Variants in DEF6 observed in about 807,000 individuals in gnomAD.
DEF6 encodes differentially expressed in FDCP 6 homolog.
DEF6 carries 32 observed loss-of-function variants against 80.5 expected under a neutral mutation model. The observed-to-expected ratio is 0.40, with a 90% CI of 0.30 to 0.53. The LOEUF (loss-of-function observed/expected upper bound fraction) is 0.53, where lower values mean the gene tolerates loss of function less well. Ranked by LOEUF, DEF6 falls within the 20% of genes least tolerant of loss-of-function variation. DEF6 has a pLI of 0.57. For synonymous variants in DEF6, 300 were observed against 337.9 expected, an observed-to-expected ratio of 0.89 and a Z score of 1.23; for missense variants, 575 against 818.7, an observed-to-expected ratio of 0.70 and a Z score of 3.63.
At chr6:35,308,904 C>T (rs894675354) in intron 1 of DEF6, among the ~76,000 whole-genome samples, 1 of 152,022 alleles carries the variant, frequency 6.6e-6, no homozygotes, top group Non-Finnish European at 1.5e-5. Context: ...TTTATTTTCA[C>T]CAGATTTCAG....
chr6:35,318,523 C>A lies in DEF6; in HGVS notation c.1215+52C>A. On this transcript the variant is annotated intron_variant, in intron 7 of 10. Coordinates refer to ENST00000316637, the MANE Select transcript of DEF6 (RefSeq NM_022047.4). This position sits in a 1 kb window ranked among gnomAD's most constrained non-coding sequence, Gnocchi z 5.1. Reference sequence around the variant, plus strand: ...CGGGACCGGTGGGCTGGGAGGCTGGCCAGGGGCGGAGCGCCGGGGGCGGGG... The same window carrying A: ...CGGGACCGGTGGGCTGGGAGGCTGGACAGGGGCGGAGCGCCGGGGGCGGGG... 1 of 1,350,882 alleles carries A rather than the reference C, an allele frequency of 7.4e-7. No homozygotes were observed. Among genetic ancestry groups the A allele is most frequent in the Non-Finnish European group, 9.4e-7 (1 of 1,058,560 alleles). 83.7% of individuals were successfully genotyped at this position (1,350,882 alleles called of 1,614,324 possible).
chr6:35,306,536 T>A (rs926739743), intron 1 of DEF6, among the ~76,000 whole-genome samples: 1 of 151,890 alleles, frequency 6.6e-6, no homozygotes, highest in African/African-American at 2.4e-5. Flanking sequence ...GATGAAAGTT[T>A]CTCCCCTCAC....
intron 5 of DEF6, among the ~76,000 whole-genome samples, chr6:35,316,651 A>G (rs1440226256): frequency 3.3e-5 from 5 of 152,216 alleles, no homozygotes; most frequent in African/African-American, 9.7e-5. Context: ...GGGTCTATTG[A>G]AATGATCATA....
chr6:35,307,136 G>A (rs1791402709), intron 1 of DEF6, among the ~76,000 whole-genome samples: 1 of 152,174 alleles, frequency 6.6e-6, no homozygotes, highest in South Asian at 2.1e-4. Flanking sequence ...AGTGGCTCAC[G>A]CCCTGTAATC....
Position 35,318,453 on chromosome 6 carries a change from A to G in DEF6, c.1197A>G (p.Gln399=). ...AGCTGCAGCAGGCGCTCGAGGGCCAACTGCGCGAGGCGGAGCAGGTGGGGT... is the reference window on the plus strand; with the variant it reads ...AGCTGCAGCAGGCGCTCGAGGGCCAGCTGCGCGAGGCGGAGCAGGTGGGGT... The part of the protein sequence containing the change: ...HRELQQALEG[Q]LREAEQARAS... The change falls in exon 7 of 11, where the codon CAA becomes CAG. Residue 399 remains glutamine (Q), a synonymous_variant. Transcript: ENST00000316637. This position sits in a 1 kb window ranked among gnomAD's most constrained non-coding sequence, Gnocchi z 5.1. 7 of 1,468,460 alleles carry G rather than the reference A, an allele frequency of 4.8e-6. No homozygotes were observed. Among genetic ancestry groups the G allele is most frequent in the Middle Eastern group, 2.5e-4 (1 of 4,078 alleles). 91.0% of individuals were successfully genotyped at this position (1,468,460 alleles called of 1,614,324 possible).
Position 35,312,560 on chromosome 6 carries a change from G to A in DEF6, c.660+22G>A. On this transcript the variant is annotated intron_variant, in intron 4 of 10. Transcript: ENST00000316637. The surrounding 1 kb of genome is among the most constrained non-coding windows in gnomAD (Gnocchi z 6.6). ...GCAGGTCAGGCAAGCTGGGAACTAG[G>A]GGAAGCACACAAGGTGCAGGGCGAA... The A allele has an allele frequency of 1.2e-6, 2 of 1,614,038 alleles. No individual in the cohort carries two copies. Among genetic ancestry groups the A allele is most frequent in the South Asian group, 2.2e-5 (2 of 91,074 alleles).
chr6:35,316,392 A>G (rs996860473), intron 5 of DEF6, among the ~76,000 whole-genome samples: 16 of 152,082 alleles, frequency 1.1e-4, no homozygotes, highest in Admixed American at 5.9e-4. Flanking sequence ...GATGCCCTTC[A>G]TTTCCTTCTC....
chr6:35,314,396 A>G (rs1369144779), intron 5 of DEF6, among the ~76,000 whole-genome samples: 21 of 130,062 alleles, frequency 1.6e-4, no homozygotes, highest in African/African-American at 6.2e-4. Flanking sequence ...GACAGGAGTG[A>G]AACTCTATCT....
chr6:35,302,500 C>G (rs917430387), intron 1 of DEF6, among the ~76,000 whole-genome samples: 61 of 152,150 alleles, frequency 4.0e-4, no homozygotes, highest in African/African-American at 1.4e-3. Flanking sequence ...GGACCTGACA[C>G]CCACACTTGA....
intron 1 of DEF6, among the ~76,000 whole-genome samples, chr6:35,306,190 G>A (rs986452366): frequency 4.8e-5 from 7 of 147,230 alleles, no homozygotes; most frequent in Non-Finnish European, 7.5e-5. Flanking sequence ...CCCTGCACCC[G>A]GCCCAAAAAA....
At chr6:35,298,355 CAGTT>C (rs139682781) in intron 1 of DEF6, among the ~76,000 whole-genome samples, 1,625 of 152,300 alleles carry the variant, frequency 0.011, 20 homozygotes, top group African/African-American at 0.024. Context: ...TCAAGAGAAA[CAGTT>C]AGCCAGTGCT....
At chr6:35,320,660 A>G (rs1034881871) in intron 9 of DEF6, among the ~76,000 whole-genome samples, 4 of 152,218 alleles carry the variant, frequency 2.6e-5, no homozygotes, top group Admixed American at 6.5e-5. Context: ...GGAAACTATT[A>G]TTATGGTTAC....
intron 1 of DEF6, among the ~76,000 whole-genome samples, chr6:35,302,091 G>A (rs1791322466): frequency 1.3e-5 from 2 of 152,000 alleles, no homozygotes; most frequent in Non-Finnish European, 2.9e-5. Flanking sequence ...GCTGGGCAAG[G>A]TGGCTCACAT....
intron 9 of DEF6, 45 bp downstream of exon 9, chr6:35,320,062 C>T: frequency 6.5e-7 from 1 of 1,530,424 alleles, no homozygotes; most frequent in Non-Finnish European, 8.8e-7. Flanking sequence ...AGGGTGAGCT[C>T]ATTAGGGCAC....
intron 3 of DEF6, among the ~76,000 whole-genome samples, chr6:35,311,887 C>A (rs952475430): frequency 6.6e-6 from 1 of 152,172 alleles, no homozygotes; most frequent in Admixed American, 6.5e-5. Flanking sequence ...TTCTGGCTGC[C>A]CCCAGTTTGC....
At position 35,302,067 on chromosome 6, in the gene DEF6, C is replaced by G. The variant is rs547190057; in HGVS notation, c.96+4115C>G. Among the ~76,000 whole-genome samples, 6 of 151,326 alleles carry G rather than the reference C, an allele frequency of 4.0e-5. No individual in the cohort carries two copies. The East Asian group carries it at 8.0e-4, about 20-fold the overall frequency. On this transcript the variant is annotated intron_variant, in intron 1 of 10. Coordinates refer to ENST00000316637, the MANE Select transcript of DEF6 (RefSeq NM_022047.4). Reference sequence around the variant, plus strand: ...AAAAGGATCACTTGGAACCTAGATTCATTTAAAGACCTTGCTGGGCAAGGT... The same window carrying G: ...AAAAGGATCACTTGGAACCTAGATTGATTTAAAGACCTTGCTGGGCAAGGT...
Position 35,318,576 on chromosome 6 carries a change from T to G in DEF6, c.1215+105T>G. On this transcript the variant is annotated intron_variant, in intron 7 of 10. Coordinates refer to ENST00000316637, the MANE Select transcript of DEF6 (RefSeq NM_022047.4). The surrounding 1 kb of genome is among the most constrained non-coding windows in gnomAD (Gnocchi z 5.1). Reference sequence around the variant, plus strand: ...TGGGCAGAGGGCGGAGCTCCTGGGTTGAGGGGCGTGCACTGGGGTGGAGCT... The same window carrying G: ...TGGGCAGAGGGCGGAGCTCCTGGGTGGAGGGGCGTGCACTGGGGTGGAGCT... The G allele has an allele frequency of 1.8e-6, 2 of 1,130,330 alleles. No homozygotes were observed. Among genetic ancestry groups the G allele is most frequent in the African/African-American group, 3.3e-5 (2 of 60,660 alleles). The allele number at this position is 1,130,330 out of a possible 1,614,324, so 70.0% of individuals were successfully genotyped here.
intron 10 of DEF6, 51 bp downstream of exon 10, chr6:35,321,025 G>A: frequency 6.2e-7 from 1 of 1,601,262 alleles, no homozygotes; most frequent in East Asian, 2.2e-5. Flanking sequence ...AGGGAGAAAG[G>A]AGGGAGAAAG....
chr6:35,319,811 C>G lies in DEF6; in HGVS notation c.1383-8C>G. 6.2e-7 allele frequency: 1 copy of G among 1,601,076 alleles called. No individual in the cohort carries two copies. The highest frequency in any genetic ancestry group is 8.5e-7 in the Non-Finnish European group (1 of 1,173,660). On this transcript the variant is annotated splice_polypyrimidine_tract_variant and splice_region_variant and intron_variant, in intron 8 of 10. Transcript: ENST00000316637. This position sits in a 1 kb window ranked among gnomAD's most constrained non-coding sequence, Gnocchi z 4.5. ...CTAGAGGCTACACAGTACACACTCA[C>G]CCGGCAGACTGCTGGAAGAGGAGGA...
Sources: allele counts gnomAD v4.1 joint callset (sites outside exome capture counted in the v4.1 genomes callset), GRCh38; gene constraint gnomAD v4.1.1; non-coding constraint Gnocchi (gnomAD v3.1); transcripts MANE v1.5; gene names NCBI Gene and HGNC (gene_info 2026-07-23, HGNC 2026-07-21).